Variants in SETD2 observed in about 807,000 individuals in gnomAD.
SETD2 encodes the protein histone-lysine N-methyltransferase SETD2.
In SETD2, 31 loss-of-function variants were observed where a neutral mutation model predicts 242.1. The ratio of observed to expected loss-of-function variants is 0.13; its 90% CI spans 0.10 to 0.17. SETD2 has a LOEUF of 0.17. Among genes scored for constraint, SETD2 ranks in the 10% least tolerant of loss-of-function variants. The pLI is 1.00. For missense variants in SETD2, 2,481 were observed against 3,046.3 expected (o/e 0.81, Z 4.37); for synonymous variants, 1,006 against 1,066.5 (o/e 0.94, Z 1.11).
At chr3:47,084,572 T>C (rs1419745539) in intron 11 of SETD2, among the ~76,000 whole-genome samples, 190 bp from the exon 12 acceptor site, 1 of 151,740 alleles carries the variant, frequency 6.6e-6, no homozygotes, top group African/African-American at 2.4e-5. Context: ...GTACAGGCGC[T>C]AGCTGCCACG....
intron 9 of SETD2, among the ~76,000 whole-genome samples, chr3:47,095,398 G>A (rs1575763783): frequency 6.6e-6 from 1 of 152,050 alleles, no homozygotes; most frequent in Non-Finnish European, 1.5e-5. Flanking sequence ...CCTCCCAAAG[G>A]GCTGAGATTA....
At chr3:47,021,719 A>C (rs2038226620) in intron 18 of SETD2, among the ~76,000 whole-genome samples, 1 of 152,236 alleles carries the variant, frequency 6.6e-6, no homozygotes, top group Non-Finnish European at 1.5e-5. Context: ...GGCATGGGAA[A>C]TAATTTCAGA....
In SETD2 at chr3:47,120,494, A is replaced by T. The variant is rs747086942; in HGVS notation, c.4142T>A (p.Leu1381Ter). ...EISSNSIKDT[L>*]AVNEKKDFSK... is the part of the protein sequence containing the mutation. ...AAAATCTTTCTTTTCATTCACAGCT[A>T]AAGTGTCCTTAATGGAATTGCTGCT... Residue 1381 changes from leucine to a stop codon, truncating the protein, a stop_gained, in exon 3 of 21, where the codon TTA (leucine) becomes TAA (stop). Coordinates refer to ENST00000409792, the MANE Select transcript of SETD2 (RefSeq NM_014159.7). LOFTEE classifies it high-confidence loss of function. 1 of 1,613,898 alleles carries T rather than the reference A, an allele frequency of 6.2e-7. No individual in the cohort carries two copies.
At chr3:47,105,956 T>C (rs375509341) in intron 6 of SETD2, 41 bp downstream of exon 6, 1 of 1,488,572 alleles carries the variant, frequency 6.7e-7, no homozygotes, top group Non-Finnish European at 9.2e-7. Flanking sequence ...CCTTCAAACC[T>C]AACAGATCTG....
At chr3:47,072,762 G>A (rs925612093) in intron 12 of SETD2, among the ~76,000 whole-genome samples, 3 of 144,498 alleles carry the variant, frequency 2.1e-5, no homozygotes, top group Admixed American at 1.4e-4. Context: ...TGGCTAACAC[G>A]GTGAAACCCT....
intron 18 of SETD2, among the ~76,000 whole-genome samples, chr3:47,037,285 C>T (rs1196088440): frequency 1.7e-5 from 2 of 117,626 alleles, no homozygotes; most frequent in East Asian, 3.2e-4. Flanking sequence ...CCCCCCTCCC[C>T]CCCACCCCAC....
chr3:47,049,602 G>A (rs2039712047), intron 15 of SETD2, among the ~76,000 whole-genome samples: 1 of 146,280 alleles, frequency 6.8e-6, no homozygotes, highest in African/African-American at 2.5e-5. Context: ...TCGATCTCCT[G>A]ACCTTGTGAT....
rs766558271 is a variant in SETD2 at position 47,123,085 on chromosome 3, T to C, written c.1551A>G (p.Glu517=). Residue 517 remains glutamate (E), a synonymous_variant, in exon 3 of 21, where the codon GAA becomes GAG. Coordinates refer to ENST00000409792, the MANE Select transcript of SETD2 (RefSeq NM_014159.7). ...RGKYSSKLER[E]SKRTSENEAI... ...CTTCATTTTCTGAAGTCCTTTTAGA[T>C]TCTCTTTCTAGTTTTGAAGAATACT... 5.0e-6 allele frequency: 8 copies of C among 1,613,536 alleles called. No individual in the cohort carries two copies. The highest frequency in any genetic ancestry group is 5.9e-6 in the Non-Finnish European group (7 of 1,179,812).
chr3:47,057,287 C>G lies in SETD2; in HGVS notation c.6497G>C (p.Gly2166Ala), dbSNP rs2107576767. Reference protein sequence around the residue: ...GYNAPHHPFAGYPPGYPMQAY... With the variant: ...GYNAPHHPFAAYPPGYPMQAY... ...CTGCATGGGATAACCTGGTGGGTAA[C>G]CAGCAAAGGGATGATGCGGGGCATT... is the stretch of plus-strand genomic sequence containing the variant. Residue 2166 changes from glycine to alanine, a missense_variant, in exon 15 of 21, where the codon GGT becomes GCT. By Grantham distance (60) the Gly-to-Ala change is moderately conservative (BLOSUM62 0). Coordinates refer to ENST00000409792, the MANE Select transcript of SETD2 (RefSeq NM_014159.7). 6.2e-7 allele frequency: 1 copy of G among 1,614,154 alleles called. No individual in the cohort carries two copies. Among genetic ancestry groups the G allele is most frequent in the Non-Finnish European group, 8.5e-7 (1 of 1,180,040 alleles).
intron 9 of SETD2, among the ~76,000 whole-genome samples, chr3:47,091,889 G>C (rs1242620161): frequency 6.6e-6 from 1 of 152,104 alleles, no homozygotes; most frequent in African/African-American, 2.4e-5. Context: ...AGGTTGCAAT[G>C]AGCTAAGATC....
At chr3:47,024,169 A>G (rs1322153129) in intron 18 of SETD2, among the ~76,000 whole-genome samples, 1 of 151,964 alleles carries the variant, frequency 6.6e-6, no homozygotes, top group Non-Finnish European at 1.5e-5. Flanking sequence ...GCAAAACCCC[A>G]TCTCTATTAA....
chr3:47,083,593 G>C (rs771895093), intron 12 of SETD2, 127 bp downstream of exon 12: 1 of 874,464 alleles, frequency 1.1e-6, no homozygotes, highest in Non-Finnish European at 1.8e-6. Context: ...AAATAAAACA[G>C]TAAGAGAGAC....
chr3:47,106,768 C>T (rs1302128962), intron 5 of SETD2, among the ~76,000 whole-genome samples: 16 of 147,878 alleles, frequency 1.1e-4, no homozygotes, highest in Non-Finnish European at 1.5e-4. Context: ...GCCGAGATCG[C>T]GCCACTGCAC....
intron 13 of SETD2, among the ~76,000 whole-genome samples, chr3:47,066,242 C>A (rs532900116): frequency 6.6e-6 from 1 of 152,252 alleles, no homozygotes; most frequent in South Asian, 2.1e-4. Flanking sequence ...ACATAACATA[C>A]ATAATATGAG....
At chr3:47,048,792 C>T (rs1420007894) in intron 15 of SETD2, among the ~76,000 whole-genome samples, 6 of 151,988 alleles carry the variant, frequency 3.9e-5, no homozygotes, top group South Asian at 2.1e-4. Flanking sequence ...CTCAGCCTCC[C>T]GAGTACCTGG....
At chr3:47,041,938 C>A (rs1159176702) in intron 17 of SETD2, among the ~76,000 whole-genome samples, 1 of 152,128 alleles carries the variant, frequency 6.6e-6, no homozygotes, top group Admixed American at 6.6e-5. Flanking sequence ...GCTGGCAAAA[C>A]CTAAAATGTT....
chr3:47,054,507 A>G (rs761605081), intron 15 of SETD2, among the ~76,000 whole-genome samples: 2 of 152,168 alleles, frequency 1.3e-5, no homozygotes, highest in Non-Finnish European at 2.9e-5. Context: ...ACTCAAAACT[A>G]ATGGCTTGGT....
chr3:47,036,584 CAT>C (rs1397663402), intron 18 of SETD2, among the ~76,000 whole-genome samples: 1 of 151,804 alleles, frequency 6.6e-6, no homozygotes. Context: ...ATCACGAAAG[CAT>C]ATGTTATGGG....
intron 9 of SETD2, among the ~76,000 whole-genome samples, chr3:47,096,483 G>A (rs1038377550): frequency 1.3e-5 from 2 of 151,146 alleles, no homozygotes; most frequent in African/African-American, 4.9e-5. Flanking sequence ...AAGGCGAGAG[G>A]ATCACTTGAG....
Sources: allele counts gnomAD v4.1 joint callset (sites outside exome capture counted in the v4.1 genomes callset), GRCh38; gene constraint gnomAD v4.1.1; transcripts MANE v1.5; gene names NCBI Gene and HGNC (gene_info 2026-07-23, HGNC 2026-07-21).